NWD1: variants seen among roughly 807,000 people sequenced by gnomAD.
NWD1 encodes NACHT and WD repeat domain containing 1.
Under a neutral mutation model 135.1 loss-of-function variants are expected in NWD1, and 129 were observed. The ratio of observed to expected loss-of-function variants is 0.96; its 90% CI spans 0.83 to 1.11. The LOEUF is 1.11. Ranked by LOEUF, NWD1 falls within the 50% of genes least tolerant of loss-of-function variation. The probability of loss-of-function intolerance (pLI) is 0.00; values close to 1 mark genes in which losing one functional copy is unlikely to be tolerated. For synonymous variants in NWD1, 773 were observed against 786.0 expected (o/e 0.98, Z 0.28); for missense variants, 1,740 against 1,851.3 (o/e 0.94, Z 1.10).
intron 12 of NWD1, among the ~76,000 whole-genome samples, chr19:16,784,572 G>T (rs553051457): frequency 1.3e-5 from 2 of 152,118 alleles, no homozygotes; most frequent in South Asian, 2.1e-4. Context: ...GGGGAATGAG[G>T]TTGGCGGGTC....
At chr19:16,755,273 T>G (rs1968746846) in intron 6 of NWD1, among the ~76,000 whole-genome samples, 1 of 152,172 alleles carries the variant, frequency 6.6e-6, no homozygotes, top group South Asian at 2.1e-4. Context: ...TGGAGTGCAC[T>G]GAAGCGATCA....
intron 2 of NWD1, among the ~76,000 whole-genome samples, chr19:16,728,246 A>G (rs979623609): frequency 6.6e-6 from 1 of 151,898 alleles, no homozygotes; most frequent in Non-Finnish European, 1.5e-5. Flanking sequence ...GTTTTGGAGA[A>G]CAGAGTATTA....
At chr19:16,797,060 A>C (rs1970438939) in intron 15 of NWD1, among the ~76,000 whole-genome samples, 1 of 151,852 alleles carries the variant, frequency 6.6e-6, no homozygotes, top group African/African-American at 2.4e-5. Context: ...AGCACCTACA[A>C]GCCCAGCTAC....
At chr19:16,753,494 G>A (rs1045832005) in intron 6 of NWD1, among the ~76,000 whole-genome samples, 6 of 152,142 alleles carry the variant, frequency 3.9e-5, no homozygotes, top group Admixed American at 2.6e-4. Context: ...TGAGAGCTTT[G>A]CTCTTGGAGC....
At chr19:16,765,420 G>A (rs1969187390) in intron 10 of NWD1, among the ~76,000 whole-genome samples, 1 of 152,088 alleles carries the variant, frequency 6.6e-6, no homozygotes, top group Non-Finnish European at 1.5e-5. Context: ...TGTAGCCTCA[G>A]ACTCCTGGGT....
At chr19:16,750,565 A>G (rs1386785782) in intron 6 of NWD1, among the ~76,000 whole-genome samples, 154 bp downstream of exon 6, 1 of 129,988 alleles carries the variant, frequency 7.7e-6, no homozygotes, top group African/African-American at 3.0e-5. Flanking sequence ...AGTGATCCTC[A>G]CGCCTCACCT....
At chr19:16,760,695 A>G (rs1000070671) in intron 7 of NWD1, among the ~76,000 whole-genome samples, 1 of 152,010 alleles carries the variant, frequency 6.6e-6, no homozygotes, top group African/African-American at 2.4e-5. Context: ...GGTTTCAGCG[A>G]TTCTCCTGCC....
chr19:16,767,174 T>C (rs1410112648), intron 10 of NWD1, among the ~76,000 whole-genome samples: 7 of 98,488 alleles, frequency 7.1e-5, no homozygotes, highest in African/African-American at 5.6e-4. Context: ...CGTCTTTTTT[T>C]TTTTTTTTTT....
intron 2 of NWD1, among the ~76,000 whole-genome samples, chr19:16,728,740 T>C (rs552396258): frequency 3.1e-4 from 46 of 150,124 alleles, no homozygotes; most frequent in East Asian, 8.0e-4. Context: ...GTCAGGAGAT[T>C]GAGACCATCC....
At chr19:16,811,657 T>A (rs1226847002) in intron 18 of NWD1, among the ~76,000 whole-genome samples, 1 of 151,950 alleles carries the variant, frequency 6.6e-6, no homozygotes, top group Non-Finnish European at 1.5e-5. Context: ...CCTACAATTG[T>A]TCCTTTCAGT....
At chr19:16,722,005 T>A (rs1967153698) in intron 1 of NWD1, among the ~76,000 whole-genome samples, 1 of 151,944 alleles carries the variant, frequency 6.6e-6, no homozygotes, top group African/African-American at 2.4e-5. Context: ...TCCAGCTACT[T>A]GAGACGCCGA....
chr19:16,765,716 T>G (rs980330198), intron 10 of NWD1, among the ~76,000 whole-genome samples: 4 of 152,066 alleles, frequency 2.6e-5, no homozygotes, highest in Non-Finnish European at 5.9e-5. Context: ...CCTGGACTTT[T>G]CTTTAGAAAG....
chr19:16,754,177 C>G (rs1185763790), intron 6 of NWD1, among the ~76,000 whole-genome samples: 1 of 151,886 alleles, frequency 6.6e-6, no homozygotes, highest in African/African-American at 2.4e-5. Flanking sequence ...ATCCATCTAT[C>G]CATCATCTCG....
chr19:16,786,553 CTT>C (rs111519885), intron 12 of NWD1, among the ~76,000 whole-genome samples: 1 of 146,110 alleles, frequency 6.8e-6, no homozygotes, highest in Non-Finnish European at 1.5e-5. Context: ...GTTGGGGACA[CTT>C]TTTTTTTTTG....
At chr19:16,736,598 C>A in intron 3 of NWD1, 36 bp from the exon 4 acceptor site, 1 of 1,296,260 alleles carries the variant, frequency 7.7e-7, no homozygotes, top group Non-Finnish European at 1.1e-6. Flanking sequence ...ACCTGTCATG[C>A]CACCTCTCTG....
intron 4 of NWD1, among the ~76,000 whole-genome samples, chr19:16,742,638 C>T (rs1445261293): frequency 2.0e-5 from 3 of 151,868 alleles, no homozygotes; most frequent in Non-Finnish European, 4.4e-5. Flanking sequence ...AGAACCACCA[C>T]AAGATTTAAT....
intron 12 of NWD1, among the ~76,000 whole-genome samples, chr19:16,784,217 A>G (rs367757045): frequency 3.9e-5 from 6 of 151,908 alleles, no homozygotes; most frequent in African/African-American, 1.4e-4. Flanking sequence ...AGAAAAAAAA[A>G]AAAAGAAAAA....
At chr19:16,739,649 G>T (rs1967999408) in intron 4 of NWD1, among the ~76,000 whole-genome samples, 1 of 152,130 alleles carries the variant, frequency 6.6e-6, no homozygotes, top group Non-Finnish European at 1.5e-5. Context: ...ACTCTGATTT[G>T]TGGGGGCGCC....
chr19:16,737,463 C>T (rs1967870023), intron 4 of NWD1, among the ~76,000 whole-genome samples: 1 of 151,824 alleles, frequency 6.6e-6, no homozygotes, highest in South Asian at 2.1e-4. Context: ...CACTATGTTG[C>T]CCAGGCTGGT....
Sources: gnomAD v4.1 joint callset for allele counts (sites outside exome capture counted in the v4.1 genomes callset) on GRCh38, gnomAD v4.1.1 for gene constraint, MANE v1.5 for transcripts, NCBI Gene and HGNC (gene_info 2026-07-23, HGNC 2026-07-21) for gene names.